The following MCUR1 variants were observed in gnomAD, a reference collection of about 807,000 sequenced individuals.
MCUR1 encodes the protein mitochondrial calcium uniporter regulator 1.
A neutral mutation model predicts 42.0 loss-of-function variants in MCUR1; 37 were observed. That is an observed-to-expected ratio of 0.88 (90% CI 0.68 to 1.16). The LOEUF (loss-of-function observed/expected upper bound fraction) is 1.16. MCUR1 is among the 50% of genes most tolerant of loss of function. The pLI is 0.00. For missense variants in MCUR1, 469 were observed against 468.4 expected (o/e 1.00, Z -0.01); for synonymous variants, 229 against 196.2 (o/e 1.17, Z -1.40).
rs1760195568 is a variant in MCUR1, at chr6:13,809,923, G to T, written c.416-2879C>A. Among the ~76,000 whole-genome samples, 5 of 151,412 alleles carry T rather than the reference G, an allele frequency of 3.3e-5. No individual in the cohort carries two copies. In the South Asian group the frequency reaches 1.0e-3, roughly 32 times the overall value. ...TGTATCGAAAAAAAAAATATTTAAA[G>T]GCCGGGCGTGGTGGCTCACGCCTGT... On this transcript the variant is annotated intron_variant, in intron 1 of 8. Coordinates refer to ENST00000379170, the MANE Select transcript of MCUR1 (RefSeq NM_001031713.4).
rs1447969437 is a variant in MCUR1 at position 13,787,770 on chromosome 6, T to A, written c.*3039A>T. 1 of 152,288 alleles carries A rather than the reference T, an allele frequency of 6.6e-6. No individual in the cohort carries two copies. Among genetic ancestry groups the A allele is most frequent in the African/African-American group, 2.4e-5 (1 of 41,452 alleles). 9.4% of individuals were successfully genotyped at this position (152,288 alleles called of 1,614,324 possible). On this transcript the variant is annotated 3_prime_UTR_variant, in exon 9 of 9. Coordinates refer to ENST00000379170, the MANE Select transcript of MCUR1 (RefSeq NM_001031713.4). The stretch of plus-strand genomic sequence containing the variant: ...GACATAGGTTGCTAGCTAGAAGTTT[T>A]GCCAGCCATCTTCCCCCCTCCTAGT...
chr6:13,792,143 T>G, intron 7 of MCUR1, 151 bp from the exon 8 acceptor site: 2 of 647,934 alleles, frequency 3.1e-6, no homozygotes, highest in South Asian at 1.8e-5. Flanking sequence ...AAACCCTAAT[T>G]CTACGCTGCA....
intron 6 of MCUR1, 111 bp from the exon 7 acceptor site, chr6:13,794,058 A>C: frequency 1.1e-6 from 1 of 870,868 alleles, no homozygotes; most frequent in Non-Finnish European, 1.9e-6. Context: ...GTAACACCAG[A>C]AAGTCACCTC....
Position 13,788,775 on chromosome 6 carries a change from GATTAA to G in MCUR1, c.*2029_*2033del, listed in dbSNP as rs1437006878. Reference sequence around the variant, plus strand: ...AAGAATTTTTGATCTACTTGAAAAAGATTAAATTATAATATTTCACTTTGAAACTG... The same window carrying G: ...AAGAATTTTTGATCTACTTGAAAAAGATTATAATATTTCACTTTGAAACTG... On this transcript the variant is annotated 3_prime_UTR_variant, in exon 9 of 9. Transcript: ENST00000379170. The G allele has an allele frequency of 6.0e-5, 9 of 150,358 alleles. No homozygotes were observed. The highest frequency in any genetic ancestry group is 4.6e-4 in the Admixed American group (7 of 15,178). The allele number at this position is 150,358 out of a possible 1,614,324, so 9.3% of individuals were successfully genotyped here. A position where few individuals can be genotyped will look rare whatever the true frequency, so the allele number is the denominator to read the frequency against.
Position 13,806,918 on chromosome 6 carries a change from G to A in MCUR1, c.535+7C>T, listed in dbSNP as rs1478450294. On this transcript the variant is annotated splice_region_variant and intron_variant, in intron 2 of 8. Transcript: ENST00000379170. Reference sequence around the variant, plus strand: ...AAGGCACTAAATGACGAATGACAGAGGATTACCATTGTCTTCCAGTAAGCA... The same window carrying A: ...AAGGCACTAAATGACGAATGACAGAAGATTACCATTGTCTTCCAGTAAGCA... 10 of 1,593,018 alleles carry A rather than the reference G, an allele frequency of 6.3e-6. No homozygotes were observed. Among genetic ancestry groups the A allele is most frequent in the Non-Finnish European group, 8.6e-6 (10 of 1,166,062 alleles).
In MCUR1 at chr6:13,798,812, GTT is replaced by G; in HGVS notation, c.855+19_855+20del. 1 of 1,586,436 alleles carries G rather than the reference GTT, an allele frequency of 6.3e-7. No individual in the cohort carries two copies. The highest frequency in any genetic ancestry group is 8.6e-7 in the Non-Finnish European group (1 of 1,157,726). On this transcript the variant is annotated intron_variant, in intron 6 of 8. Transcript: ENST00000379170. ...CCAAAAATAAATTAATTCATAATGT[GTT>G]TTTAGTAAAGGAACGTACCAATTCT...
intron 6 of MCUR1, among the ~76,000 whole-genome samples, chr6:13,795,112 G>A (rs12523834): frequency 0.023 from 3,464 of 149,102 alleles, 189 homozygotes; most frequent in East Asian, 0.23. Flanking sequence ...ACTACTGGGA[G>A]CTTAGAAGTA....
intron 4 of MCUR1, 113 bp downstream of exon 4, chr6:13,801,175 C>A: frequency 1.3e-6 from 1 of 746,582 alleles, no homozygotes; most frequent in South Asian, 1.8e-5. Flanking sequence ...GAAGTGCACA[C>A]TGTTTGAAAA....
rs528149048 is a variant in MCUR1, at chr6:13,797,686, T to C, written c.855+1147A>G. On this transcript the variant is annotated intron_variant, in intron 6 of 8. Coordinates refer to ENST00000379170, the MANE Select transcript of MCUR1 (RefSeq NM_001031713.4). ...TCACACCACTGCACTCCAGCCTGGG[T>C]GACAGAGCGAGACTCCGCCTCAAAC... Among the ~76,000 whole-genome samples the C allele has an allele frequency of 9.1e-5, 13 of 143,074 alleles. No individual in the cohort carries two copies. The East Asian group carries it at 1.9e-3, about 21-fold the overall frequency. The allele number at this position is 143,074 out of a possible 152,430, so 93.9% of individuals were successfully genotyped here.
At chr6:13,795,066 T>C (rs1449615065) in intron 6 of MCUR1, among the ~76,000 whole-genome samples, 1 of 149,738 alleles carries the variant, frequency 6.7e-6, no homozygotes, top group Non-Finnish European at 1.5e-5. Context: ...CTTTGAAGTA[T>C]ATAGAAACTT....
intron 7 of MCUR1, among the ~76,000 whole-genome samples, chr6:13,793,230 G>T (rs149471274): frequency 2.6e-4 from 39 of 150,610 alleles, no homozygotes; most frequent in African/African-American, 9.5e-4. Flanking sequence ...CAAACACTTT[G>T]TGAAGTGCAA....
In MCUR1 at chr6:13,791,964, T is replaced by C; in HGVS notation, c.938A>G (p.Gln313Arg). The C allele has an allele frequency of 6.2e-7, 1 of 1,614,088 alleles. No homozygotes were observed. The highest frequency in any genetic ancestry group is 8.5e-7 in the Non-Finnish European group (1 of 1,179,974). ...LHAQQDRALT[Q>R]TDRKIETEVA... Reference sequence around the variant, plus strand: ...CTCAGTTTCGATCTTCCTGTCTGTCTGGGTAAGGGCCCGATCTTGCTGGGC... The same window carrying C: ...CTCAGTTTCGATCTTCCTGTCTGTCCGGGTAAGGGCCCGATCTTGCTGGGC... Residue 313 changes from glutamine (Q) to arginine (R), a missense_variant, in exon 8 of 9, where the codon CAG (glutamine) becomes CGG (arginine). Coordinates refer to ENST00000379170, the MANE Select transcript of MCUR1 (RefSeq NM_001031713.4).
In MCUR1 at chr6:13,801,298, G is replaced by C. The variant is rs773072948; in HGVS notation, c.731C>G (p.Ala244Gly). Residue 244 changes from alanine to glycine, a missense_variant, in exon 4 of 9, where the codon GCA (alanine) becomes GGA (glycine). Coordinates refer to ENST00000379170, the MANE Select transcript of MCUR1 (RefSeq NM_001031713.4). Reference sequence around the variant, plus strand: ...GAGGCTCTGTTTTACCTCATTTTCTGCTCTGAGGGCTGAAAATTCACTCTT... The same window carrying C: ...GAGGCTCTGTTTTACCTCATTTTCTCCTCTGAGGGCTGAAAATTCACTCTT... ...LEKSEFSALR[A>G]ENEKIKLELH... 2 of 1,609,398 alleles carry C rather than the reference G, an allele frequency of 1.2e-6. No homozygotes were observed. The highest frequency in any genetic ancestry group is 2.2e-5 in the South Asian group (2 of 90,902).
At chr6:13,796,277 AT>A (rs756226620) in intron 6 of MCUR1, among the ~76,000 whole-genome samples, 14 of 145,526 alleles carry the variant, frequency 9.6e-5, no homozygotes, top group Admixed American at 6.1e-4. Flanking sequence ...AAATTTCATC[AT>A]TTTTTTTCTT....
At position 13,791,900 on chromosome 6, in the gene MCUR1, A is replaced by T. The variant is rs1454989775; in HGVS notation, c.1002T>A (p.Leu334=). 1.2e-6 allele frequency: 2 copies of T among 1,613,412 alleles called. No homozygotes were observed. The part of the protein sequence containing the change: ...GLKTMLESHK[L]DNIKYLAGSI... Reference sequence around the variant, plus strand: ...TACCTGCTAAATATTTAATATTATCAAGCTTGTGTGACTCAAGCATGGTTT... The same window carrying T: ...TACCTGCTAAATATTTAATATTATCTAGCTTGTGTGACTCAAGCATGGTTT... Residue 334 remains leucine (L), a synonymous_variant, in exon 8 of 9, where the codon CTT becomes CTA. Coordinates refer to ENST00000379170, the MANE Select transcript of MCUR1 (RefSeq NM_001031713.4).
intron 1 of MCUR1, among the ~76,000 whole-genome samples, chr6:13,813,401 A>G (rs370650413): frequency 6.6e-6 from 1 of 152,160 alleles, no homozygotes; most frequent in South Asian, 2.1e-4. Context: ...TATAAAAATT[A>G]TTTGTATATA....
rs1204302 is a variant in MCUR1 at position 13,788,175 on chromosome 6, A to G, written c.*2634T>C. The G allele has an allele frequency of 1, 152,391 of 152,402 alleles. 76,190 individuals carry two copies. The highest frequency in any genetic ancestry group is 1 in the Middle Eastern group (296 of 296). 9.4% of individuals were successfully genotyped at this position (152,402 alleles called of 1,614,324 possible). A position where few individuals can be genotyped will look rare whatever the true frequency, so the allele number is the denominator to read the frequency against. On this transcript the variant is annotated 3_prime_UTR_variant, in exon 9 of 9. Coordinates refer to ENST00000379170, the MANE Select transcript of MCUR1 (RefSeq NM_001031713.4). The stretch of plus-strand genomic sequence containing the variant: ...TGGGATTATAGGCATGAGCCACCGC[A>G]CCCAGCATCAGTAAGTTTTAATATT...
At chr6:13,806,074 TG>T (rs1257628382) in intron 2 of MCUR1, among the ~76,000 whole-genome samples, 1 of 151,838 alleles carries the variant, frequency 6.6e-6, no homozygotes, top group Non-Finnish European at 1.5e-5. Flanking sequence ...GCCAACATGG[TG>T]AAACCCCATC....
At chr6:13,790,975 A>C in intron 8 of MCUR1, 111 bp from the exon 9 acceptor site, 1 of 726,908 alleles carries the variant, frequency 1.4e-6, no homozygotes, top group Non-Finnish European at 2.3e-6. Flanking sequence ...TAGATTGCTC[A>C]CTGATGTCCC....
Sources: gnomAD v4.1 joint callset for allele counts (sites outside exome capture counted in the v4.1 genomes callset) on GRCh38, gnomAD v4.1.1 for gene constraint, MANE v1.5 for transcripts, NCBI Gene and HGNC (gene_info 2026-07-23, HGNC 2026-07-21) for gene names.